Variants in TPH1 observed in about 807,000 individuals in gnomAD.
TPH1 encodes the protein tryptophan 5-hydroxylase 1.
A neutral mutation model predicts 49.5 loss-of-function variants in TPH1; 37 were observed. The ratio of observed to expected loss-of-function variants is 0.75; its 90% CI spans 0.58 to 0.98. The LOEUF (loss-of-function observed/expected upper bound fraction) is 0.98. Ranked by LOEUF, TPH1 falls within the 50% of genes least tolerant of loss-of-function variation. The probability of loss-of-function intolerance (pLI) is 0.00; values close to 1 mark genes in which losing one functional copy is unlikely to be tolerated. For synonymous variants in TPH1, 160 were observed against 182.1 expected (o/e 0.88, Z 0.98); for missense variants, 487 against 523.6 (o/e 0.93, Z 0.68).
rs757486663 is a variant in TPH1 at position 18,019,120 on chromosome 11, A to C, written c.*1871T>G. 1 of 152,446 alleles carries C rather than the reference A, an allele frequency of 6.6e-6. No homozygotes were observed. The highest frequency in any genetic ancestry group is 1.5e-5 in the Non-Finnish European group (1 of 68,220). The allele number at this position is 152,446 out of a possible 1,614,324, so 9.4% of individuals were successfully genotyped here. ...GATTAGCTATTAAAATGTACAATGTAAAAATTTAAAACAGCATGAATTATT... is the reference window on the plus strand; with the variant it reads ...GATTAGCTATTAAAATGTACAATGTCAAAATTTAAAACAGCATGAATTATT... On this transcript the variant is annotated 3_prime_UTR_variant, in exon 11 of 11. Transcript: ENST00000682019.
intron 1 of TPH1, 89 bp from the exon 2 acceptor site, chr11:18,040,877 G>A (rs903016806): frequency 1.6e-5 from 20 of 1,261,812 alleles, no homozygotes; most frequent in African/African-American, 3.0e-5. Context: ...TTACTTCTAG[G>A]AGCTTCAGTT....
rs1854338180 is a variant in TPH1, at chr11:18,019,926, T to C, written c.*1065A>G. 2.8e-6 allele frequency: 1 copy of C among 356,652 alleles called. No individual in the cohort carries two copies. The highest frequency in any genetic ancestry group is 5.5e-6 in the Non-Finnish European group (1 of 181,772). The allele number at this position is 356,652 out of a possible 1,614,324, so 22.1% of individuals were successfully genotyped here. ...ACCACTCTTCTTGACCTTTCTGACA[T>C]TCTATTTCCTCCCCTTTTCTGCAGC... On this transcript the variant is annotated 3_prime_UTR_variant, in exon 11 of 11. Transcript: ENST00000682019.
intron 8 of TPH1, among the ~76,000 whole-genome samples, chr11:18,024,750 G>A (rs1847910344): frequency 6.6e-6 from 1 of 152,058 alleles, no homozygotes. Flanking sequence ...GAGTCTCAGG[G>A]ACCCCAGAGG....
intron 4 of TPH1, among the ~76,000 whole-genome samples, chr11:18,030,246 A>C (rs1409541956): frequency 1.5e-5 from 1 of 67,334 alleles, no homozygotes; most frequent in East Asian, 7.1e-4. Flanking sequence ...CTGTCTGTAC[A>C]AAAAAAATTT....
intron 8 of TPH1, among the ~76,000 whole-genome samples, chr11:18,024,425 G>C (rs951567934): frequency 4.6e-5 from 7 of 152,162 alleles, no homozygotes; most frequent in African/African-American, 1.4e-4. Flanking sequence ...CTGGCTAGAA[G>C]ACAGATGGAG....
chr11:18,022,670 G>A, intron 10 of TPH1, 128 bp downstream of exon 10: 6 of 936,504 alleles, frequency 6.4e-6, no homozygotes, highest in Non-Finnish European at 1.0e-5. Flanking sequence ...ATGAAAGGAA[G>A]ATGTGTTACA....
chr11:18,029,670 T>A, intron 4 of TPH1, 91 bp from the exon 5 acceptor site: 1 of 1,007,018 alleles, frequency 9.9e-7, no homozygotes, highest in Non-Finnish European at 1.5e-6. Context: ...CTAGAGCTAT[T>A]ATATTAAAGG....
chr11:18,032,677 C>T (rs1186320518), intron 4 of TPH1, among the ~76,000 whole-genome samples: 1 of 150,546 alleles, frequency 6.6e-6, no homozygotes, highest in Non-Finnish European at 1.5e-5. Context: ...TCCCGAGTAG[C>T]TGGGACTACA....
chr11:18,020,054 A>G lies in TPH1; in HGVS notation c.*937T>C, dbSNP rs1854339829. On this transcript the variant is annotated 3_prime_UTR_variant, in exon 11 of 11. Transcript: ENST00000682019. ...CTATCTTTTACTTTGTGCTTCTCTT[A>G]TCTATCTCAGTTTGAACTCTTCCTT... is the stretch of plus-strand genomic sequence containing the variant. 1 of 226,132 alleles carries G rather than the reference A, an allele frequency of 4.4e-6. No individual in the cohort carries two copies. Among genetic ancestry groups the G allele is most frequent in the Non-Finnish European group, 8.8e-6 (1 of 113,906 alleles). The allele number at this position is 226,132 out of a possible 1,614,324, so 14.0% of individuals were successfully genotyped here. A position where few individuals can be genotyped will look rare whatever the true frequency, so the allele number is the denominator to read the frequency against.
In TPH1 at chr11:18,025,654, G is replaced by A; in HGVS notation, c.851C>T (p.Pro284Leu). The A allele has an allele frequency of 6.2e-7, 1 of 1,614,026 alleles. No individual in the cohort carries two copies. The highest frequency in any genetic ancestry group is 8.5e-7 in the Non-Finnish European group (1 of 1,179,908). ...LLGHVPLLAE[P>L]SFAQFSQEIG... The stretch of plus-strand genomic sequence containing the variant: ...TTCTTGGGAGAATTGGGCAAAACTA[G>A]GTTCAGCCAAAAGCGGGACATGACC... Residue 284 changes from proline (P) to leucine (L), a missense_variant, in exon 8 of 11, where the codon CCT (proline) becomes CTT (leucine). Pro to Leu is a moderately conservative substitution (Grantham distance 98). Transcript: ENST00000682019.
chr11:18,021,825 C>T lies in TPH1; in HGVS notation c.1161-660G>A, dbSNP rs1490626931. Among the ~76,000 whole-genome samples the T allele has an allele frequency of 3.3e-5, 5 of 152,094 alleles. No homozygotes were observed. The East Asian group carries it at 9.6e-4, about 29-fold the overall frequency. ...CTGTTTGAACCTCTCATTTGGCACC[C>T]CCAGGAACAATCATGTCCAGGACTC... is the stretch of plus-strand genomic sequence containing the variant. On this transcript the variant is annotated intron_variant, in intron 10 of 10. Transcript: ENST00000682019.
At chr11:18,028,267 C>T (rs1006675978) in intron 6 of TPH1, among the ~76,000 whole-genome samples, 7 of 152,144 alleles carry the variant, frequency 4.6e-5, no homozygotes, top group African/African-American at 1.7e-4. Context: ...CATCTTTTTT[C>T]TTGCTAAAAT....
At chr11:18,022,390 T>C (rs992648971) in intron 10 of TPH1, among the ~76,000 whole-genome samples, 1 of 152,222 alleles carries the variant, frequency 6.6e-6, no homozygotes, top group African/African-American at 2.4e-5. Flanking sequence ...CTTCAAGTCC[T>C]TTCTCAAATA....
At chr11:18,025,204 A>G (rs1329495615) in intron 8 of TPH1, among the ~76,000 whole-genome samples, 2 of 152,204 alleles carry the variant, frequency 1.3e-5, no homozygotes, top group African/African-American at 4.8e-5. Flanking sequence ...TAGATAACCT[A>G]TTATTGTAAT....
In TPH1 at chr11:18,026,394, A is replaced by G. The variant is rs75711487; in HGVS notation, c.803+96T>C. On this transcript the variant is annotated intron_variant, in intron 7 of 10. Transcript: ENST00000682019. ...CTAATTTATTTAATCCTCGCACACC[A>G]AAAAAAAAAAAAAAAAAAAAAAAGA... is the stretch of plus-strand genomic sequence containing the variant. 175 of 76,270 alleles carry G rather than the reference A, an allele frequency of 2.3e-3. No homozygotes were observed. In the East Asian group the frequency reaches 0.053, roughly 23 times the overall value. 4.7% of individuals were successfully genotyped at this position (76,270 alleles called of 1,614,324 possible). A position where few individuals can be genotyped will look rare whatever the true frequency, so the allele number is the denominator to read the frequency against.
At position 18,040,628 on chromosome 11, in the gene TPH1, A is replaced by C. The variant is rs764206006; in HGVS notation, c.117+18T>G. On this transcript the variant is annotated intron_variant, in intron 2 of 10. Transcript: ENST00000682019. ...CATTTCTAGAAGAATTCTGTGCAAA[A>C]ATACAGAAAATGCTTACCTGAAAGA... 4 of 1,605,610 alleles carry C rather than the reference A, an allele frequency of 2.5e-6. No individual in the cohort carries two copies. The highest frequency in any genetic ancestry group is 2.6e-6 in the Non-Finnish European group (3 of 1,175,030).
intron 6 of TPH1, among the ~76,000 whole-genome samples, chr11:18,028,738 C>T (rs992327144): frequency 6.6e-6 from 1 of 152,146 alleles, no homozygotes; most frequent in Non-Finnish European, 1.5e-5. Flanking sequence ...AAATTCTGAC[C>T]TCCCATATCA....
At chr11:18,028,785 TC>T (rs1489613436) in intron 6 of TPH1, among the ~76,000 whole-genome samples, 1 of 152,058 alleles carries the variant, frequency 6.6e-6, no homozygotes, top group Non-Finnish European at 1.5e-5. Flanking sequence ...GCTGTCATTG[TC>T]GGGTGTGGTG....
chr11:18,036,808 G>C (rs1313379099), intron 2 of TPH1, among the ~76,000 whole-genome samples: 1 of 152,160 alleles, frequency 6.6e-6, no homozygotes, highest in African/African-American at 2.4e-5. Flanking sequence ...GAGAAGGTTA[G>C]AGCAGATAAT....
Sources: gnomAD v4.1 joint callset for allele counts (sites outside exome capture counted in the v4.1 genomes callset) on GRCh38, gnomAD v4.1.1 for gene constraint, MANE v1.5 for transcripts, NCBI Gene and HGNC (gene_info 2026-07-23, HGNC 2026-07-21) for gene names.